The following GRM7 variants were observed in gnomAD, a reference collection of about 807,000 sequenced individuals.
GRM7 encodes metabotropic glutamate receptor 7.
Under a neutral mutation model 84.5 loss-of-function variants are expected in GRM7, and 35 were observed. The ratio of observed to expected loss-of-function variants is 0.41; its 90% CI spans 0.32 to 0.55. The LOEUF (loss-of-function observed/expected upper bound fraction) is 0.55. Ranked by LOEUF, GRM7 falls within the 20% of genes least tolerant of loss-of-function variation. The pLI is 0.19. For synonymous variants in GRM7, 487 were observed against 455.1 expected, an observed-to-expected ratio of 1.07 and a Z score of -0.89; for missense variants, 1,003 against 1,194.6, an observed-to-expected ratio of 0.84 and a Z score of 2.36.
chr3:7,135,775 C>T (rs1383283246), intron 1 of GRM7, among the ~76,000 whole-genome samples: 1 of 152,012 alleles, frequency 6.6e-6, no homozygotes, highest in Non-Finnish European at 1.5e-5. Context: ...AGTTAACATG[C>T]ATGGAAACAA....
intron 1 of GRM7, among the ~76,000 whole-genome samples, chr3:7,056,207 A>G (rs1208991731): frequency 6.6e-6 from 1 of 152,028 alleles, no homozygotes; most frequent in African/African-American, 2.4e-5. Flanking sequence ...CTTTTCCCCA[A>G]CGCAGGGCTT....
At chr3:7,266,182 A>T (rs1385545819) in intron 2 of GRM7, among the ~76,000 whole-genome samples, 1 of 152,148 alleles carries the variant, frequency 6.6e-6, no homozygotes, top group African/African-American at 2.4e-5. Flanking sequence ...GGTAAAAAAT[A>T]CTAGTTCATT....
intron 1 of GRM7, among the ~76,000 whole-genome samples, chr3:6,953,897 T>G (rs911627741): frequency 7.9e-5 from 12 of 151,992 alleles, no homozygotes; most frequent in African/African-American, 2.9e-4. Flanking sequence ...TCATGTGAGG[T>G]GCTAAACATG....
chr3:7,123,805 A>C (rs1693304614), intron 1 of GRM7, among the ~76,000 whole-genome samples: 1 of 152,084 alleles, frequency 6.6e-6, no homozygotes, highest in Admixed American at 6.5e-5. Context: ...GCTTGTGTGA[A>C]ATTCTCACTT....
intron 1 of GRM7, among the ~76,000 whole-genome samples, chr3:6,968,091 A>G (rs180716714): frequency 1.3e-4 from 20 of 152,344 alleles, no homozygotes; most frequent in African/African-American, 3.8e-4. Context: ...TGTATTGTCT[A>G]CAAATATCTG....
At chr3:6,990,503 TTAG>T (rs1329480832) in intron 1 of GRM7, among the ~76,000 whole-genome samples, 1 of 152,194 alleles carries the variant, frequency 6.6e-6, no homozygotes, top group Non-Finnish European at 1.5e-5. Context: ...TCCAGGCTTT[TTAG>T]TTATTACTAT....
At chr3:6,893,603 A>G (rs1049323020) in intron 1 of GRM7, among the ~76,000 whole-genome samples, 5 of 152,194 alleles carry the variant, frequency 3.3e-5, no homozygotes, top group Admixed American at 3.3e-4. Context: ...AGAAAGAGAA[A>G]AAGACACAAA....
intron 2 of GRM7, among the ~76,000 whole-genome samples, chr3:7,233,707 T>C (rs1002410781): frequency 1.3e-5 from 2 of 152,170 alleles, no homozygotes; most frequent in African/African-American, 4.8e-5. Context: ...AACTGCTCTA[T>C]TTAGTTTGCA....
chr3:7,655,287 G>A (rs1232185362), intron 8 of GRM7, among the ~76,000 whole-genome samples: 1 of 152,200 alleles, frequency 6.6e-6, no homozygotes, highest in Non-Finnish European at 1.5e-5. Flanking sequence ...AAGCTAGAAA[G>A]AGCAACTTTG....
chr3:7,451,464 C>G lies in GRM7; in HGVS notation c.1175-1143C>G, dbSNP rs115356964. Among the ~76,000 whole-genome samples the G allele has an allele frequency of 6.3e-3, 964 of 152,184 alleles. 8 individuals carry two copies. The highest frequency in any genetic ancestry group is 0.02 in the African/African-American group (844 of 41,530). On this transcript the variant is annotated intron_variant, in intron 5 of 9. Transcript: ENST00000357716. ...GGTGAAAGCAAAGAGGAAGGATCTCCCTGGCAAAGTAAACAGCATGAGCAA... is the reference window on the plus strand; with the variant it reads ...GGTGAAAGCAAAGAGGAAGGATCTCGCTGGCAAAGTAAACAGCATGAGCAA...
chr3:7,576,486 A>G (rs1167506151), intron 7 of GRM7, among the ~76,000 whole-genome samples: 1 of 152,204 alleles, frequency 6.6e-6, no homozygotes, highest in Non-Finnish European at 1.5e-5. Flanking sequence ...GCTACATTCA[A>G]TTCAGAATTT....
intron 4 of GRM7, among the ~76,000 whole-genome samples, chr3:7,341,010 G>A (rs750868583): frequency 9.2e-5 from 14 of 152,102 alleles, no homozygotes; most frequent in Non-Finnish European, 1.8e-4. Context: ...GAGGAAACAA[G>A]ATCAAACACA....
intron 5 of GRM7, among the ~76,000 whole-genome samples, chr3:7,449,572 A>G (rs543635519): frequency 1.3e-5 from 2 of 152,286 alleles, no homozygotes; most frequent in Admixed American, 1.3e-4. Context: ...AAAATATGTT[A>G]TAAAGCCTTT....
At chr3:7,626,790 G>T (rs1185932762) in intron 8 of GRM7, among the ~76,000 whole-genome samples, 2 of 152,000 alleles carry the variant, frequency 1.3e-5, no homozygotes, top group African/African-American at 2.4e-5. Context: ...GTAGCACAAG[G>T]GGTTAGGACT....
intron 1 of GRM7, among the ~76,000 whole-genome samples, chr3:6,874,127 G>A (rs369184411): frequency 3.6e-4 from 55 of 152,254 alleles, no homozygotes; most frequent in East Asian, 2.7e-3. Context: ...ATATTAGGAT[G>A]TACTGCATAC....
intron 2 of GRM7, among the ~76,000 whole-genome samples, chr3:7,172,574 T>C (rs531549232): frequency 8.5e-6 from 1 of 117,756 alleles, no homozygotes; most frequent in East Asian, 2.8e-4. Context: ...TATCTATATA[T>C]AAATATTACA....
intron 2 of GRM7, among the ~76,000 whole-genome samples, chr3:7,288,331 A>G (rs1025659311): frequency 6.6e-6 from 1 of 152,158 alleles, no homozygotes; most frequent in Non-Finnish European, 1.5e-5. Context: ...TGGAGTTACA[A>G]GCTTTCCGTT....
chr3:7,174,587 TG>T (rs1239943307), intron 2 of GRM7, among the ~76,000 whole-genome samples: 2 of 152,230 alleles, frequency 1.3e-5, no homozygotes, highest in African/African-American at 4.8e-5. Flanking sequence ...TTGTCCAATA[TG>T]GGATGCCTTG....
chr3:7,701,345 G>A (rs894979119), intron 9 of GRM7, among the ~76,000 whole-genome samples: 1 of 138,744 alleles, frequency 7.2e-6, no homozygotes, highest in Non-Finnish European at 1.5e-5. Flanking sequence ...CTGTCACACA[G>A]GCTGAAGTGC....
Sources: gnomAD v4.1 joint callset for allele counts (sites outside exome capture counted in the v4.1 genomes callset) on GRCh38, gnomAD v4.1.1 for gene constraint, MANE v1.5 for transcripts, NCBI Gene and HGNC (gene_info 2026-07-23, HGNC 2026-07-21) for gene names.